Variants in DAPK2 observed in about 807,000 individuals in gnomAD.
The protein encoded by DAPK2 is death-associated protein kinase 2.
In DAPK2, 35 loss-of-function variants were observed where a neutral mutation model predicts 44.1. The observed-to-expected ratio is 0.79, with a 90% confidence interval of 0.61 to 1.05. DAPK2 has a LOEUF of 1.05. DAPK2 is among the 50% of genes least tolerant of loss of function. The pLI is 0.00. For synonymous variants in DAPK2, 174 were observed against 182.6 expected, an observed-to-expected ratio of 0.95 and a Z score of 0.38; for missense variants, 453 against 483.2, an observed-to-expected ratio of 0.94 and a Z score of 0.59.
intron 1 of DAPK2, among the ~76,000 whole-genome samples, chr15:63,987,565 G>A (rs576934791): frequency 2.0e-5 from 3 of 152,250 alleles, no homozygotes; most frequent in South Asian, 2.1e-4. Context: ...ACTGCAGCAC[G>A]GGGCTGGTAG....
chr15:63,938,623 G>A (rs1317813905), intron 4 of DAPK2, among the ~76,000 whole-genome samples: 1 of 152,228 alleles, frequency 6.6e-6, no homozygotes, highest in East Asian at 1.9e-4. Context: ...CCCCTCTACA[G>A]GCTATTTCTT....
intron 1 of DAPK2, among the ~76,000 whole-genome samples, chr15:64,027,884 C>T (rs965430524): frequency 6.6e-6 from 1 of 152,024 alleles, no homozygotes; most frequent in Admixed American, 6.6e-5. Context: ...GGGAATACAC[C>T]CAACCAAAAT....
chr15:64,025,058 A>T (rs115889272), intron 1 of DAPK2, among the ~76,000 whole-genome samples: 60 of 152,238 alleles, frequency 3.9e-4, no homozygotes, highest in African/African-American at 1.3e-3. Context: ...AGAGACCCAG[A>T]CACTATTAAC....
At chr15:64,038,062 A>G (rs410779) in intron 1 of DAPK2, among the ~76,000 whole-genome samples, 43,174 of 152,144 alleles carry the variant, frequency 0.28, 6,335 homozygotes, top group African/African-American at 0.36. Flanking sequence ...TGATATATGG[A>G]GTCAGGGAGA....
intron 3 of DAPK2, among the ~76,000 whole-genome samples, chr15:63,963,014 C>T (rs979389832): frequency 3.3e-5 from 5 of 152,196 alleles, no homozygotes; most frequent in South Asian, 4.1e-4. Context: ...TTGAACTTCC[C>T]GGCCACTTTG....
At chr15:63,988,054 G>A (rs2078713382) in intron 1 of DAPK2, among the ~76,000 whole-genome samples, 1 of 152,054 alleles carries the variant, frequency 6.6e-6, no homozygotes, top group Non-Finnish European at 1.5e-5. Flanking sequence ...GTTTCGTGAG[G>A]GACAGTAAAT....
intron 2 of DAPK2, among the ~76,000 whole-genome samples, chr15:63,981,085 A>G (rs894038239): frequency 9.6e-5 from 5 of 51,954 alleles, no homozygotes; most frequent in Non-Finnish European, 1.7e-4. Context: ...GCGAGACTCC[A>G]TCTCAAAAAA....
chr15:63,926,781 C>T lies in DAPK2; in HGVS notation c.660-688G>A, dbSNP rs551509654. 1.5e-4 allele frequency among the ~76,000 whole-genome samples: 23 copies of T among 152,316 alleles called. No individual in the cohort carries two copies. In the East Asian group the frequency reaches 4.2e-3, roughly 28 times the overall value. The stretch of plus-strand genomic sequence containing the variant: ...TTGTCCCAAACTCATTGTGTCCAAA[C>T]CCATTCCAAGCACTCCCTTGATGAA... On this transcript the variant is annotated intron_variant, in intron 6 of 10. Transcript: ENST00000261891.
chr15:63,979,134 T>C (rs2078434906), intron 2 of DAPK2, among the ~76,000 whole-genome samples: 1 of 152,248 alleles, frequency 6.6e-6, no homozygotes, highest in African/African-American at 2.4e-5. Flanking sequence ...GGGCCTGTGA[T>C]GGGAGGCCAG....
At chr15:63,986,940 A>T (rs2078683471) in intron 1 of DAPK2, among the ~76,000 whole-genome samples, 1 of 152,208 alleles carries the variant, frequency 6.6e-6, no homozygotes, top group Non-Finnish European at 1.5e-5. Context: ...CCTCATTTTC[A>T]GTATTACACT....
At chr15:63,981,346 C>T (rs893985249) in intron 2 of DAPK2, among the ~76,000 whole-genome samples, 3 of 152,084 alleles carry the variant, frequency 2.0e-5, no homozygotes, top group Non-Finnish European at 2.9e-5. Context: ...CCTCAGCCTC[C>T]ATAACTGTAA....
At chr15:64,001,359 G>T (rs141092090) in intron 1 of DAPK2, among the ~76,000 whole-genome samples, 2 of 152,150 alleles carry the variant, frequency 1.3e-5, no homozygotes, top group Non-Finnish European at 2.9e-5. Context: ...AACAGTTACC[G>T]TATGTGATGG....
chr15:63,956,007 A>C (rs2077712003), intron 3 of DAPK2, among the ~76,000 whole-genome samples: 1 of 152,174 alleles, frequency 6.6e-6, no homozygotes. Flanking sequence ...GGATTTCTTC[A>C]TGGTTCAATC....
chr15:63,937,262 A>C (rs771102547), intron 4 of DAPK2, among the ~76,000 whole-genome samples: 5 of 152,236 alleles, frequency 3.3e-5, no homozygotes, highest in Non-Finnish European at 7.3e-5. Context: ...CACAAAAGCC[A>C]ATGAGGTATA....
At chr15:64,014,060 G>A (rs1247778050) in intron 1 of DAPK2, among the ~76,000 whole-genome samples, 2 of 152,186 alleles carry the variant, frequency 1.3e-5, no homozygotes, top group African/African-American at 4.8e-5. Context: ...TATCTACTTG[G>A]TTTTCCTCTA....
At chr15:63,967,155 GGGCA>G (rs762480099) in intron 3 of DAPK2, among the ~76,000 whole-genome samples, 9 of 151,982 alleles carry the variant, frequency 5.9e-5, no homozygotes, top group Non-Finnish European at 1.3e-4. Context: ...ACTCCAGCCT[GGGCA>G]ACAGTGCAAG....
At position 63,908,687 on chromosome 15, in the gene DAPK2, C is replaced by T; in HGVS notation, c.1033-87G>A. The T allele has an allele frequency of 8.9e-7, 1 of 1,123,930 alleles. No homozygotes were observed. The highest frequency in any genetic ancestry group is 1.6e-5 in the African/African-American group (1 of 62,688). The allele number at this position is 1,123,930 out of a possible 1,614,324, so 69.6% of individuals were successfully genotyped here. On this transcript the variant is annotated intron_variant, in intron 10 of 10. Transcript: ENST00000261891. This position sits in a 1 kb window ranked among gnomAD's most constrained non-coding sequence, Gnocchi z 5.7. ...CTGTGCTGGGCAACCTGGGTTGATT[C>T]ACCTGGACCACGGGACTACAAGCCA...
intron 1 of DAPK2, among the ~76,000 whole-genome samples, chr15:64,029,376 C>T (rs902802376): frequency 2.0e-5 from 3 of 152,092 alleles, no homozygotes. Flanking sequence ...TCCTGGCAGC[C>T]CCATCCCTTC....
At chr15:63,995,160 T>G (rs1460545) in intron 1 of DAPK2, among the ~76,000 whole-genome samples, 108,742 of 151,786 alleles carry the variant, frequency 0.72, 41,479 homozygotes, top group Non-Finnish European at 0.85. Flanking sequence ...TATAAATCTC[T>G]GCATACATCC....
Sources: allele counts gnomAD v4.1 joint callset (sites outside exome capture counted in the v4.1 genomes callset), GRCh38; gene constraint gnomAD v4.1.1; non-coding constraint Gnocchi (gnomAD v3.1); transcripts MANE v1.5; gene names NCBI Gene and HGNC (gene_info 2026-07-23, HGNC 2026-07-21).